The following UBE2D2 variants were observed in gnomAD, a reference collection of about 807,000 sequenced individuals.
UBE2D2 encodes the protein ubiquitin-conjugating enzyme E2 D2.
UBE2D2 carries 2 observed loss-of-function variants against 24.2 expected under a neutral mutation model. That is an observed-to-expected ratio of 0.08 (90% CI 0.03 to 0.26). The LOEUF (loss-of-function observed/expected upper bound fraction) is 0.26. UBE2D2 is among the 10% of genes least tolerant of loss of function. The pLI is 1.00. For synonymous variants in UBE2D2, 58 were observed against 56.5 expected (o/e 1.03, Z -0.12); for missense variants, 44 against 177.6 (o/e 0.25, Z 4.28).
chr5:139,549,564 C>G (rs1024564736), intron 1 of UBE2D2, among the ~76,000 whole-genome samples: 2 of 152,234 alleles, frequency 1.3e-5, no homozygotes, highest in Admixed American at 1.3e-4. Flanking sequence ...TCTTGCCGGG[C>G]CTCAGCACCT....
intron 1 of UBE2D2, among the ~76,000 whole-genome samples, chr5:139,565,634 G>A (rs1753199646): frequency 6.6e-6 from 1 of 152,174 alleles, no homozygotes; most frequent in Admixed American, 6.5e-5. Context: ...GATCCAGTAG[G>A]CTCTTGACTG....
chr5:139,542,783 T>C (rs189718425), intron 1 of UBE2D2, among the ~76,000 whole-genome samples: 1 of 152,146 alleles, frequency 6.6e-6, no homozygotes, highest in African/African-American at 2.4e-5. Context: ...AAAAAGGAAA[T>C]AAATTCTACA....
chr5:139,572,223 A>G lies in UBE2D2; in HGVS notation c.24+10408A>G, dbSNP rs1006261731. 2.6e-5 allele frequency among the ~76,000 whole-genome samples: 4 copies of G among 152,192 alleles called. No homozygotes were observed. In the East Asian group the frequency reaches 5.8e-4, roughly 22 times the overall value. ...TCTTCCTCATATCTGGTGTTTCCCA[A>G]CTTTATTAGAATGCTTATCAAAGTA... On this transcript the variant is annotated intron_variant, in intron 1 of 6. Coordinates refer to ENST00000398733, the MANE Select transcript of UBE2D2 (RefSeq NM_003339.3).
intron 6 of UBE2D2, among the ~76,000 whole-genome samples, chr5:139,625,519 C>T (rs1754606068): frequency 6.9e-6 from 1 of 144,360 alleles, no homozygotes; most frequent in African/African-American, 2.6e-5. Flanking sequence ...TCACAGCTCA[C>T]TGTAACCTCA....
intron 1 of UBE2D2, among the ~76,000 whole-genome samples, chr5:139,562,626 T>C (rs1343228503): frequency 6.6e-6 from 1 of 152,208 alleles, no homozygotes; most frequent in African/African-American, 2.4e-5. Flanking sequence ...GACTTGACGC[T>C]ATTAGGTGAT....
chr5:139,545,026 G>A (rs1463047540), intron 1 of UBE2D2, among the ~76,000 whole-genome samples: 4 of 151,566 alleles, frequency 2.6e-5, no homozygotes, highest in Non-Finnish European at 4.4e-5. Context: ...TGATCCACCC[G>A]CCTCGGCCTT....
intron 1 of UBE2D2, among the ~76,000 whole-genome samples, chr5:139,591,992 G>A (rs1396404931): frequency 6.6e-6 from 1 of 152,114 alleles, no homozygotes; most frequent in Non-Finnish European, 1.5e-5. Flanking sequence ...TTGAGGTCAG[G>A]AGTTCTCAAG....
At chr5:139,608,095 A>G (rs528584958) in intron 2 of UBE2D2, among the ~76,000 whole-genome samples, 1 of 152,170 alleles carries the variant, frequency 6.6e-6, no homozygotes, top group South Asian at 2.1e-4. Flanking sequence ...AAAGATTGCA[A>G]TATTAGTTGA....
At chr5:139,548,215 A>G (rs1022243036) in intron 1 of UBE2D2, among the ~76,000 whole-genome samples, 9 of 148,490 alleles carry the variant, frequency 6.1e-5, no homozygotes, top group African/African-American at 2.0e-4. Flanking sequence ...TAAATAAATA[A>G]ACGTTCCCTT....
At chr5:139,539,742 C>G (rs1256516146) in intron 1 of UBE2D2, among the ~76,000 whole-genome samples, 1 of 151,684 alleles carries the variant, frequency 6.6e-6, no homozygotes, top group Admixed American at 6.6e-5. Flanking sequence ...CAAGTGCCCG[C>G]CACCATGCCT....
intron 1 of UBE2D2, among the ~76,000 whole-genome samples, chr5:139,535,240 T>C (rs1581478784): frequency 7.6e-6 from 1 of 131,444 alleles, no homozygotes; most frequent in Non-Finnish European, 1.6e-5. Context: ...AGGTCAGGAG[T>C]TCAAGACCAG....
chr5:139,571,270 A>G (rs966473389), intron 1 of UBE2D2, among the ~76,000 whole-genome samples: 31 of 151,940 alleles, frequency 2.0e-4, no homozygotes, highest in Middle Eastern at 3.4e-3. Flanking sequence ...AGCCAGGCAC[A>G]GTGGTGGGCA....
chr5:139,592,596 CTTTTTTTT>C (rs34558950), intron 1 of UBE2D2, among the ~76,000 whole-genome samples: 7 of 104,910 alleles, frequency 6.7e-5, no homozygotes, highest in African/African-American at 1.5e-4. Context: ...GTTCAGTAAT[CTTTTTTTT>C]TTTTTTTTTT....
intron 1 of UBE2D2, among the ~76,000 whole-genome samples, chr5:139,588,009 A>T (rs1243751227): frequency 6.6e-6 from 1 of 152,130 alleles, no homozygotes; most frequent in African/African-American, 2.4e-5. Context: ...GGTCTAGGAA[A>T]TCCAGCTAGT....
intron 1 of UBE2D2, among the ~76,000 whole-genome samples, chr5:139,555,383 T>G (rs1203625198): frequency 6.6e-6 from 1 of 152,200 alleles, no homozygotes; most frequent in African/African-American, 2.4e-5. Flanking sequence ...CAAATAATTT[T>G]AACATTATTT....
chr5:139,619,558 G>T lies in UBE2D2; in HGVS notation c.305-3810G>T, dbSNP rs527999006. On this transcript the variant is annotated intron_variant, in intron 5 of 6. Transcript: ENST00000398733. ...TGCTATAAAGAAATACCTGAGACTG[G>T]ATAATTTATAAAGAAAAGGGTTTTG... Among the ~76,000 whole-genome samples the T allele has an allele frequency of 3.3e-5, 5 of 152,170 alleles. No individual in the cohort carries two copies. In the East Asian group the frequency reaches 9.7e-4, roughly 29 times the overall value.
chr5:139,544,164 C>T (rs981067927), intron 1 of UBE2D2, among the ~76,000 whole-genome samples: 1 of 136,940 alleles, frequency 7.3e-6, no homozygotes, highest in Non-Finnish European at 1.5e-5. Context: ...TTTTTTCTTT[C>T]TTTCTTTTTT....
chr5:139,568,644 G>A (rs914418232), intron 1 of UBE2D2, among the ~76,000 whole-genome samples: 1 of 151,108 alleles, frequency 6.6e-6, no homozygotes, highest in South Asian at 2.1e-4. Context: ...GCGACAGAGC[G>A]AAACTCTGTC....
At chr5:139,542,769 A>G (rs1752776066) in intron 1 of UBE2D2, among the ~76,000 whole-genome samples, 1 of 152,218 alleles carries the variant, frequency 6.6e-6, no homozygotes, top group South Asian at 2.1e-4. Flanking sequence ...TATAATTCAG[A>G]CTTAAAAAGG....
Sources: gnomAD v4.1 joint callset for allele counts (sites outside exome capture counted in the v4.1 genomes callset) on GRCh38, gnomAD v4.1.1 for gene constraint, MANE v1.5 for transcripts, NCBI Gene and HGNC (gene_info 2026-07-23, HGNC 2026-07-21) for gene names.